LRIG1: variants seen among roughly 807,000 people sequenced by gnomAD.
The protein encoded by LRIG1 is leucine rich repeats and immunoglobulin like domains 1, also known as leucine-rich repeats and immunoglobulin-like domains protein 1.
Under a neutral mutation model 99.2 loss-of-function variants are expected in LRIG1, and 48 were observed. The ratio of observed to expected loss-of-function variants is 0.48; its 90% CI spans 0.38 to 0.62. The LOEUF (loss-of-function observed/expected upper bound fraction) is 0.62. Ranked by LOEUF, LRIG1 falls within the 20% of genes least tolerant of loss-of-function variation. The pLI, the probability that LRIG1 is intolerant of heterozygous loss-of-function variation, is 0.00. For synonymous variants in LRIG1, 772 were observed against 596.1 expected, an observed-to-expected ratio of 1.29 and a Z score of -4.30; for missense variants, 1,646 against 1,434.4, an observed-to-expected ratio of 1.15 and a Z score of -2.38.
intron 7 of LRIG1, among the ~76,000 whole-genome samples, chr3:66,408,411 A>G (rs1333367755): frequency 1.3e-5 from 2 of 152,202 alleles, no homozygotes; most frequent in Admixed American, 1.3e-4. Flanking sequence ...AAGCAATCCC[A>G]AATCTGCCTC....
At chr3:66,423,133 G>A (rs757161619) in intron 3 of LRIG1, among the ~76,000 whole-genome samples, 1 of 152,092 alleles carries the variant, frequency 6.6e-6, no homozygotes, top group Non-Finnish European at 1.5e-5. Context: ...TATCAAATAG[G>A]TATGAAGTTT....
At position 66,379,044 on chromosome 3, in the gene LRIG1, GATGACACCTGACAGTA is replaced by G. The variant is rs1700867171; in HGVS notation, c.*1203_*1218del. On this transcript the variant is annotated 3_prime_UTR_variant, in exon 19 of 19. Coordinates refer to ENST00000273261, the MANE Select transcript of LRIG1 (RefSeq NM_015541.3). Reference sequence around the variant, plus strand: ...TAAATGTGCTTACCTTTTGAACAGTGATGACACCTGACAGTAATTGTTAACTATTTTCTCAGTAACT... The same window carrying G: ...TAAATGTGCTTACCTTTTGAACAGTGATTGTTAACTATTTTCTCAGTAACT... 1.3e-5 allele frequency: 2 copies of G among 152,652 alleles called. No homozygotes were observed. The highest frequency in any genetic ancestry group is 2.4e-5 in the African/African-American group (1 of 41,460). The allele number at this position is 152,652 out of a possible 1,614,324, so 9.5% of individuals were successfully genotyped here. A position where few individuals can be genotyped will look rare whatever the true frequency, so the allele number is the denominator to read the frequency against.
At chr3:66,382,147 C>G (rs1367312197) in intron 16 of LRIG1, 126 bp downstream of exon 16, 2 of 1,095,944 alleles carry the variant, frequency 1.8e-6, no homozygotes, top group Non-Finnish European at 2.7e-6. Context: ...GTCATACCGC[C>G]TTCTACTTCA....
At chr3:66,448,112 G>A (rs1703786549) in intron 3 of LRIG1, among the ~76,000 whole-genome samples, 1 of 152,176 alleles carries the variant, frequency 6.6e-6, no homozygotes, top group Non-Finnish European at 1.5e-5. Flanking sequence ...TCTGTTCTTT[G>A]ACAAATATGT....
chr3:66,383,796 C>A (rs1402870055), intron 14 of LRIG1, among the ~76,000 whole-genome samples, 195 bp downstream of exon 14: 1 of 152,144 alleles, frequency 6.6e-6, no homozygotes, highest in Non-Finnish European at 1.5e-5. Flanking sequence ...CTTAATTCAC[C>A]AGCTATCATT....
intron 3 of LRIG1, among the ~76,000 whole-genome samples, chr3:66,428,770 T>A (rs1358890464): frequency 1.3e-5 from 2 of 152,250 alleles, no homozygotes. Flanking sequence ...AAATTGATCA[T>A]TTACTCAAAG....
At chr3:66,467,342 T>G (rs916176937) in intron 1 of LRIG1, among the ~76,000 whole-genome samples, 4 of 150,850 alleles carry the variant, frequency 2.7e-5, no homozygotes, top group Non-Finnish European at 5.9e-5. Flanking sequence ...ATTCAGTTCC[T>G]TGGCCACACT....
intron 9 of LRIG1, chr3:66,401,774 C>G (rs1186259993): frequency 6.3e-6 from 5 of 790,672 alleles, no homozygotes; most frequent in South Asian, 2.1e-5. Context: ...AACACCTGGC[C>G]TGACCTCCCC....
intron 1 of LRIG1, among the ~76,000 whole-genome samples, chr3:66,488,980 T>C (rs1701038542): frequency 6.6e-6 from 1 of 152,192 alleles, no homozygotes; most frequent in Admixed American, 6.5e-5. Flanking sequence ...TTCTTTAAAT[T>C]TTTACCTAAG....
At chr3:66,460,205 T>C (rs80161549) in intron 2 of LRIG1, among the ~76,000 whole-genome samples, 12,724 of 152,164 alleles carry the variant, frequency 0.084, 981 homozygotes, top group Admixed American at 0.21. Flanking sequence ...CAATGAAAGC[T>C]TGAATGATGC....
chr3:66,487,460 C>T (rs967252560), intron 1 of LRIG1, among the ~76,000 whole-genome samples: 6 of 152,186 alleles, frequency 3.9e-5, no homozygotes, highest in Non-Finnish European at 5.9e-5. Context: ...GGGATCCGTT[C>T]TGCCCTGAAA....
intron 3 of LRIG1, among the ~76,000 whole-genome samples, chr3:66,425,153 G>A (rs1019801749): frequency 6.6e-6 from 1 of 152,224 alleles, no homozygotes; most frequent in Non-Finnish European, 1.5e-5. Flanking sequence ...GAGGAGCCGG[G>A]ATGCAAGCCC....
chr3:66,425,173 T>C (rs968076820), intron 3 of LRIG1, among the ~76,000 whole-genome samples: 3 of 152,196 alleles, frequency 2.0e-5, no homozygotes, highest in African/African-American at 7.2e-5. Flanking sequence ...CAGGGAAGCA[T>C]GACCCTATCT....
In LRIG1 at chr3:66,379,418, A is replaced by C. The variant is rs529960014; in HGVS notation, c.*845T>G. On this transcript the variant is annotated 3_prime_UTR_variant, in exon 19 of 19. Transcript: ENST00000273261. The stretch of plus-strand genomic sequence containing the variant: ...TATAGAAAAATCCACAGGTACCAAC[A>C]CCAGCAGCCTTTACCTTAATTTAAA... The C allele has an allele frequency of 1.3e-4, 20 of 152,334 alleles. No homozygotes were observed. Among genetic ancestry groups the C allele is most frequent in the African/African-American group, 4.8e-4 (20 of 41,574 alleles). 9.4% of individuals were successfully genotyped at this position (152,334 alleles called of 1,614,324 possible). A position where few individuals can be genotyped will look rare whatever the true frequency, so the allele number is the denominator to read the frequency against.
At position 66,500,303 on chromosome 3, in the gene LRIG1, G is replaced by C; in HGVS notation, c.105C>G (p.Ala35=). The part of the protein sequence containing the change: ...LLRLEPVTAA[A]GPRAPCAAAC... ...CGGCCGCGCAGGGCGCCCGCGGGCC[G>C]GCCGCGGCGGTCACCGGCTCCAGCC... Residue 35 remains alanine, a synonymous_variant, in exon 1 of 19, where the codon GCC becomes GCG. Coordinates refer to ENST00000273261, the MANE Select transcript of LRIG1 (RefSeq NM_015541.3). The C allele has an allele frequency of 6.8e-7, 1 of 1,472,886 alleles. No individual in the cohort carries two copies. Among genetic ancestry groups the C allele is most frequent in the Non-Finnish European group, 9.0e-7 (1 of 1,116,098 alleles). 91.2% of individuals were successfully genotyped at this position (1,472,886 alleles called of 1,614,324 possible).
rs533134842 is a variant in LRIG1 at position 66,456,248 on chromosome 3, A to G, written c.291-4615T>C. ...GGATCCAGCTGAAATAATTAAACCT[A>G]AGATCTCAGGATATTGACAGATACA... On this transcript the variant is annotated intron_variant, in intron 2 of 18. Transcript: ENST00000273261. Among the ~76,000 whole-genome samples, 14 of 152,322 alleles carry G rather than the reference A, an allele frequency of 9.2e-5. No individual in the cohort carries two copies. In the South Asian group the frequency reaches 2.7e-3, roughly 29 times the overall value.
intron 1 of LRIG1, among the ~76,000 whole-genome samples, chr3:66,483,367 C>A (rs1445950309): frequency 2.0e-5 from 3 of 152,180 alleles, no homozygotes; most frequent in Non-Finnish European, 4.4e-5. Flanking sequence ...GCTAAAAAGG[C>A]CCAGATTTAG....
At chr3:66,493,468 A>G (rs1161550895) in intron 1 of LRIG1, among the ~76,000 whole-genome samples, 7 of 152,242 alleles carry the variant, frequency 4.6e-5, no homozygotes, top group African/African-American at 1.7e-4. Context: ...CCAAGGGTAC[A>G]TGAGGTTCAC....
At chr3:66,416,651 C>T (rs1575674097) in intron 4 of LRIG1, among the ~76,000 whole-genome samples, 1 of 152,144 alleles carries the variant, frequency 6.6e-6, no homozygotes, top group Non-Finnish European at 1.5e-5. Flanking sequence ...AACTGCCCTC[C>T]CCCAAACAAA....
Sources: allele counts gnomAD v4.1 joint callset (sites outside exome capture counted in the v4.1 genomes callset), GRCh38; gene constraint gnomAD v4.1.1; transcripts MANE v1.5; gene names NCBI Gene and HGNC (gene_info 2026-07-23, HGNC 2026-07-21).